Variants in RUNX1T1 observed in about 807,000 individuals in gnomAD.
RUNX1T1 encodes protein CBFA2T1.
A neutral mutation model predicts 62.8 loss-of-function variants in RUNX1T1; 4 were observed. That is an observed-to-expected ratio of 0.06 (90% CI 0.03 to 0.15). The LOEUF is 0.15. RUNX1T1 is among the 10% of genes least tolerant of loss of function. RUNX1T1 has a pLI of 1.00. For missense variants in RUNX1T1, 508 were observed against 754.3 expected (o/e 0.67, Z 3.82); for synonymous variants, 291 against 286.0 (o/e 1.02, Z -0.18).
At chr8:92,092,295 C>T (rs1157790458) in intron 1 of RUNX1T1, among the ~76,000 whole-genome samples, 2 of 152,166 alleles carry the variant, frequency 1.3e-5, no homozygotes, top group Non-Finnish European at 2.9e-5. Context: ...TTTAAAAGAA[C>T]ATGTCTTTCC....
intron 1 of RUNX1T1, among the ~76,000 whole-genome samples, chr8:92,041,982 C>T (rs1345301986): frequency 6.6e-6 from 1 of 151,788 alleles, no homozygotes; most frequent in African/African-American, 2.4e-5. Context: ...CCATACACAG[C>T]TAATTTTTTT....
At chr8:92,044,201 A>T (rs1828986546) in intron 1 of RUNX1T1, among the ~76,000 whole-genome samples, 1 of 152,142 alleles carries the variant, frequency 6.6e-6, no homozygotes, top group Non-Finnish European at 1.5e-5. Flanking sequence ...AGCTAAAATG[A>T]ACCAATATGC....
At chr8:92,023,565 A>G (rs1386661138) in intron 1 of RUNX1T1, among the ~76,000 whole-genome samples, 1 of 152,200 alleles carries the variant, frequency 6.6e-6, no homozygotes, top group African/African-American at 2.4e-5. Flanking sequence ...TCAATGATTT[A>G]GTTATAAAAT....
intron 1 of RUNX1T1, among the ~76,000 whole-genome samples, chr8:92,080,526 C>T (rs749598899): frequency 2.6e-5 from 4 of 152,248 alleles, no homozygotes; most frequent in Non-Finnish European, 4.4e-5. Context: ...ACCTTTAAGG[C>T]ATAAGTGCAC....
In RUNX1T1 at chr8:92,095,346, C is replaced by T. The variant is rs892917606; in HGVS notation, c.-86+4234G>A. On this transcript the variant is annotated intron_variant, in intron 1 of 11. Transcript: ENST00000265814. Reference sequence around the variant, plus strand: ...CTCCCTCCCCTGTTCACGGAGATTACCTTCTGGCAAAGGAGCGCGGGAGAG... The same window carrying T: ...CTCCCTCCCCTGTTCACGGAGATTATCTTCTGGCAAAGGAGCGCGGGAGAG... 1.1e-5 allele frequency: 17 copies of T among 1,534,316 alleles called. No homozygotes were observed. The Admixed American group carries it at 1.6e-4, about 14-fold the overall frequency.
At chr8:92,051,733 G>A (rs146442547) in intron 1 of RUNX1T1, among the ~76,000 whole-genome samples, 2 of 152,038 alleles carry the variant, frequency 1.3e-5, no homozygotes, top group Non-Finnish European at 2.9e-5. Context: ...CTGAAAGAGA[G>A]GATGCCTCAA....
intron 1 of RUNX1T1, chr8:92,099,532 A>C (rs1837944160): frequency 1.4e-6 from 1 of 716,062 alleles, no homozygotes; most frequent in Non-Finnish European, 1.7e-6. Context: ...TTAAATGCCC[A>C]AACAGCAACA....
intron 5 of RUNX1T1, among the ~76,000 whole-genome samples, chr8:91,996,947 C>G (rs111353304): frequency 0.011 from 1,600 of 150,098 alleles, 20 homozygotes; most frequent in African/African-American, 0.037. Context: ...CATGGTGAAA[C>G]CCCGTCTCTA....
At chr8:91,999,158 T>C (rs534224671) in intron 5 of RUNX1T1, among the ~76,000 whole-genome samples, 1 of 152,258 alleles carries the variant, frequency 6.6e-6, no homozygotes, top group East Asian at 1.9e-4. Flanking sequence ...AATGATTTAA[T>C]TGGAGCTACA....
chr8:92,028,866 A>T (rs1436660633), intron 1 of RUNX1T1, among the ~76,000 whole-genome samples: 1 of 151,416 alleles, frequency 6.6e-6, no homozygotes, highest in Non-Finnish European at 1.5e-5. Flanking sequence ...TCTGGAAAGT[A>T]AAAAAAAACA....
chr8:92,001,399 T>C (rs983271219), intron 5 of RUNX1T1, among the ~76,000 whole-genome samples: 2 of 152,100 alleles, frequency 1.3e-5, no homozygotes, highest in Non-Finnish European at 2.9e-5. Flanking sequence ...GCCTGGTGTA[T>C]CTATAAGATC....
intron 8 of RUNX1T1, chr8:91,977,525 T>C (rs547818321): frequency 5.2e-6 from 1 of 190,570 alleles, no homozygotes; most frequent in Admixed American, 6.1e-5. Context: ...ATTATCTTCC[T>C]TACCACTATA....
chr8:92,097,308 C>T (rs1200543340), intron 1 of RUNX1T1, among the ~76,000 whole-genome samples: 1 of 152,132 alleles, frequency 6.6e-6, no homozygotes, highest in Non-Finnish European at 1.5e-5. Context: ...ATCCAGTGAG[C>T]TTTAAATGGG....
intron 1 of RUNX1T1, among the ~76,000 whole-genome samples, chr8:92,059,150 T>G (rs1458122512): frequency 1.3e-5 from 2 of 152,190 alleles, no homozygotes; most frequent in African/African-American, 2.4e-5. Context: ...CATTTATAAT[T>G]GGGTATTTAC....
At chr8:91,960,642 C>T (rs922738034) in intron 10 of RUNX1T1, 125 bp from the exon 12 acceptor site, 36 of 1,055,090 alleles carry the variant, frequency 3.4e-5, no homozygotes, top group Non-Finnish European at 4.8e-5. Context: ...GATGAAAAAT[C>T]CAGGTGTTCA....
intron 2 of RUNX1T1, among the ~76,000 whole-genome samples, chr8:92,016,440 G>C (rs980852377): frequency 6.6e-6 from 1 of 152,178 alleles, no homozygotes; most frequent in Non-Finnish European, 1.5e-5. Flanking sequence ...ACTTTGGGAG[G>C]CCGAGGTGGG....
intron 2 of RUNX1T1, among the ~76,000 whole-genome samples, chr8:92,074,448 C>A (rs750563060): frequency 6.6e-6 from 1 of 152,072 alleles, no homozygotes; most frequent in Non-Finnish European, 1.5e-5. Flanking sequence ...TAATCTGCAT[C>A]TTAGATATCT....
At chr8:91,963,180 G>C (rs1810881567) in intron 10 of RUNX1T1, among the ~76,000 whole-genome samples, 1 of 152,178 alleles carries the variant, frequency 6.6e-6, no homozygotes, top group African/African-American at 2.4e-5. Flanking sequence ...TTCTTGCATA[G>C]TATTGTCTGG....
chr8:91,991,584 T>C (rs946362491), intron 6 of RUNX1T1, 55 bp downstream of exon 7: 2 of 1,548,808 alleles, frequency 1.3e-6, no homozygotes, highest in African/African-American at 2.7e-5. Flanking sequence ...GAAATAATGG[T>C]GCAAGTCTTC....
Sources: gnomAD v4.1 joint callset for allele counts (sites outside exome capture counted in the v4.1 genomes callset) on GRCh38, gnomAD v4.1.1 for gene constraint, MANE v1.5 for transcripts, NCBI Gene and HGNC (gene_info 2026-07-23, HGNC 2026-07-21) for gene names.